Variants in UBE2J2 observed in about 807,000 individuals in gnomAD.
UBE2J2 encodes the protein ubiquitin-conjugating enzyme E2 J2.
UBE2J2 carries 5 observed loss-of-function variants against 28.6 expected under a neutral mutation model. The observed-to-expected ratio is 0.17, with a 90% CI of 0.09 to 0.37. The LOEUF (loss-of-function observed/expected upper bound fraction) is 0.37, where lower values mean the gene tolerates loss of function less well. UBE2J2 is among the 10% of genes least tolerant of loss of function. The probability of loss-of-function intolerance (pLI) is 1.00; values close to 1 mark genes in which losing one functional copy is unlikely to be tolerated. For missense variants in UBE2J2, 226 were observed against 338.9 expected (o/e 0.67, Z 2.62); for synonymous variants, 138 against 139.7 (o/e 0.99, Z 0.09).
At chr1:1,257,556 C>T (rs760382100) in intron 3 of UBE2J2, among the ~76,000 whole-genome samples, 2 of 151,048 alleles carry the variant, frequency 1.3e-5, no homozygotes, top group Non-Finnish European at 3.0e-5. Context: ...ACCCACCACC[C>T]GACTGGACCC....
chr1:1,257,151 C>G, intron 4 of UBE2J2, 21 bp from the exon 5 acceptor site: 1 of 1,608,662 alleles, frequency 6.2e-7, no homozygotes, highest in Non-Finnish European at 8.5e-7. Flanking sequence ...GGGGCCCCGT[C>G]AGTGCACACT....
chr1:1,267,834 C>T (rs1343775340), intron 2 of UBE2J2, 28 bp downstream of exon 2: 2 of 1,611,986 alleles, frequency 1.2e-6, no homozygotes, highest in South Asian at 1.1e-5. Context: ...ACAGTCAGCG[C>T]AGGGCGATCA....
chr1:1,255,449 A>G lies in UBE2J2; in HGVS notation c.534T>C (p.Ser178=), dbSNP rs942957074. Residue 178 remains serine, a synonymous_variant, in exon 7 of 7, where the codon AGT becomes AGC. Transcript: ENST00000349431. ...KQKQKAQDEL[S]SRPQTLPLPD... ...GCAAGGGGAGAGTCTGGGGTCTGCT[A>G]CTGAGTTCGTCTTGTGCTTTCTGTT... 1.2e-6 allele frequency: 2 copies of G among 1,613,524 alleles called. No homozygotes were observed. Among genetic ancestry groups the G allele is most frequent in the Middle Eastern group, 1.7e-4 (1 of 6,060 alleles).
intron 2 of UBE2J2, chr1:1,264,946 T>C (rs190009487): frequency 7.8e-5 from 12 of 153,312 alleles, no homozygotes; most frequent in African/African-American, 2.6e-4. Flanking sequence ...TGTATACTAA[T>C]GGGATGATGT....
chr1:1,263,492 C>G, intron 2 of UBE2J2, 106 bp from the exon 3 acceptor site: 1 of 974,294 alleles, frequency 1.0e-6, no homozygotes, highest in Admixed American at 1.7e-5. Context: ...ATTACATTCA[C>G]ATTCAGGCAG....
intron 3 of UBE2J2, chr1:1,262,137 G>A (rs1448741334): frequency 3.0e-5 from 10 of 330,808 alleles, no homozygotes; most frequent in African/African-American, 2.2e-4. Flanking sequence ...AATTACAGGC[G>A]TGAGCCACCG....
At chr1:1,258,815 C>G (rs1056287052) in intron 3 of UBE2J2, among the ~76,000 whole-genome samples, 5 of 152,268 alleles carry the variant, frequency 3.3e-5, no homozygotes, top group African/African-American at 1.2e-4. Context: ...TGGCCCTGCT[C>G]CCAGGCCCTC....
intron 1 of UBE2J2, among the ~76,000 whole-genome samples, chr1:1,269,727 G>T (rs1640053888): frequency 6.6e-6 from 1 of 152,132 alleles, no homozygotes; most frequent in African/African-American, 2.4e-5. Flanking sequence ...GCCTCCCAAA[G>T]TGCTGGGATT....
intron 3 of UBE2J2, 108 bp downstream of exon 3, chr1:1,263,238 T>A (rs12563338): frequency 0.12 from 121,537 of 1,052,886 alleles, 21,346 homozygotes; most frequent in East Asian, 0.64. Context: ...CTAGCACACA[T>A]CCAAAGTAGA....
chr1:1,255,580 A>G, intron 6 of UBE2J2, 93 bp from the exon 7 acceptor site: 1 of 1,413,358 alleles, frequency 7.1e-7, no homozygotes, highest in Non-Finnish European at 9.6e-7. Flanking sequence ...GTCCACCACC[A>G]AGAACCAAGC....
At chr1:1,271,011 G>A (rs1285536131) in intron 1 of UBE2J2, among the ~76,000 whole-genome samples, 4 of 152,328 alleles carry the variant, frequency 2.6e-5, no homozygotes, top group South Asian at 4.1e-4. Flanking sequence ...CAGAGCCACC[G>A]CCTTCAGAGG....
chr1:1,257,504 T>A (rs1639274856), intron 3 of UBE2J2, among the ~76,000 whole-genome samples, 194 bp from the exon 4 acceptor site: 1 of 147,564 alleles, frequency 6.8e-6, no homozygotes, highest in South Asian at 2.2e-4. Flanking sequence ...CCACCCACTG[T>A]CATGACCACC....
chr1:1,261,140 G>A (rs1188749852), intron 3 of UBE2J2, among the ~76,000 whole-genome samples: 1 of 152,244 alleles, frequency 6.6e-6, no homozygotes, highest in East Asian at 1.9e-4. Flanking sequence ...CTCGGCAAGT[G>A]GCAATTCGGA....
chr1:1,262,033 T>A (rs539127083), intron 3 of UBE2J2: 193 of 239,952 alleles, frequency 8.0e-4, no homozygotes, highest in African/African-American at 3.9e-3. Context: ...AATTTTGTAT[T>A]TTTAGTAGAG....
rs539920601 is a variant in UBE2J2 at position 1,255,457 on chromosome 1, C to T, written c.526G>A (p.Glu176Lys). The change falls in exon 7 of 7, where the codon GAA becomes AAA. Residue 176 changes from glutamate (E) to lysine (K), a missense_variant. Physicochemically the swap from Glu to Lys is moderately conservative, Grantham distance 56. This residue lies in a region of UBE2J2 where 133 missense variants were observed against 161.5 expected (regional missense o/e 0.82). Transcript: ENST00000349431. ...EIKQKQKAQD[E>K]LSSRPQTLPL... is the part of the protein sequence containing the mutation. ...AGAGTCTGGGGTCTGCTACTGAGTT[C>T]GTCTTGTGCTTTCTGTTTTTGTTTA... The T allele has an allele frequency of 7.4e-6, 12 of 1,611,740 alleles. No homozygotes were observed. In the East Asian group the frequency reaches 1.3e-4, roughly 18 times the overall value.
At chr1:1,256,678 C>T (rs1639194934) in intron 5 of UBE2J2, among the ~76,000 whole-genome samples, 1 of 151,732 alleles carries the variant, frequency 6.6e-6, no homozygotes, top group South Asian at 2.1e-4. Context: ...GTCAGGAAAT[C>T]AAGACATCCT....
At chr1:1,262,405 A>G in intron 3 of UBE2J2, 1 of 446,522 alleles carries the variant, frequency 2.2e-6, no homozygotes, top group Non-Finnish European at 4.5e-6. Flanking sequence ...GCCAAAGGAG[A>G]GTCCACAGGT....
At position 1,262,109 on chromosome 1, in the gene UBE2J2, A is replaced by G. The variant is rs577447189; in HGVS notation, c.172+1237T>C. 1.4e-3 allele frequency: 450 copies of G among 320,224 alleles called. 5 individuals are homozygous for G. Among genetic ancestry groups the G allele is most frequent in the Non-Finnish European group, 8.8e-4 (141 of 160,708 alleles). 19.8% of individuals were successfully genotyped at this position (320,224 alleles called of 1,614,324 possible). On this transcript the variant is annotated intron_variant, in intron 3 of 6. Coordinates refer to ENST00000349431, the MANE Select transcript of UBE2J2 (RefSeq NM_058167.3). The stretch of plus-strand genomic sequence containing the variant: ...TGACCTCAGATGATCCGCCCACCTC[A>G]GCCTCCCAAAGTGCTGGAATTACAG...
intron 1 of UBE2J2, among the ~76,000 whole-genome samples, chr1:1,269,750 C>A (rs1052836710): frequency 1.3e-5 from 2 of 152,186 alleles, no homozygotes; most frequent in African/African-American, 4.8e-5. Flanking sequence ...AGGCGTGAGT[C>A]CCCGCGCCCA....
Sources: gnomAD v4.1 joint callset for allele counts (sites outside exome capture counted in the v4.1 genomes callset) on GRCh38, gnomAD v4.1.1 for gene constraint, gnomAD v4.1.1 regional missense constraint, MANE v1.5 for transcripts, NCBI Gene and HGNC (gene_info 2026-07-23, HGNC 2026-07-21) for gene names.